Variants in GRIK4 observed in about 807,000 individuals in gnomAD.
GRIK4 encodes glutamate ionotropic receptor kainate type subunit 4, also known as glutamate receptor ionotropic, kainate 4.
A neutral mutation model predicts 104.9 loss-of-function variants in GRIK4; 40 were observed. That is an observed-to-expected ratio of 0.38 (90% CI 0.30 to 0.50). The LOEUF (loss-of-function observed/expected upper bound fraction) is 0.50, where lower values mean the gene tolerates loss of function less well. Among genes scored for constraint, GRIK4 ranks in the 20% least tolerant of loss-of-function variants. The pLI is 0.93. For synonymous variants in GRIK4, 485 were observed against 524.9 expected, an observed-to-expected ratio of 0.92 and a Z score of 1.04; for missense variants, 1,047 against 1,308.1, an observed-to-expected ratio of 0.80 and a Z score of 3.08.
intron 1 of GRIK4, among the ~76,000 whole-genome samples, chr11:120,587,984 C>T (rs574716330): frequency 6.6e-5 from 10 of 152,304 alleles, no homozygotes; most frequent in African/African-American, 2.4e-4. Flanking sequence ...GTATGAAAAC[C>T]GCTGTCAGTC....
chr11:120,668,138 G>A (rs542324611), intron 3 of GRIK4, among the ~76,000 whole-genome samples: 1 of 150,114 alleles, frequency 6.7e-6, no homozygotes, highest in Non-Finnish European at 1.5e-5. Context: ...TAGATAGATA[G>A]ATAGATAGAT....
intron 18 of GRIK4, among the ~76,000 whole-genome samples, chr11:120,963,954 T>C (rs1944336718): frequency 6.6e-6 from 1 of 151,312 alleles, no homozygotes; most frequent in Admixed American, 6.6e-5. Context: ...ATTTCTTCCA[T>C]GGTTTCCTAT....
At chr11:120,864,326 C>T (rs1197438270) in intron 9 of GRIK4, among the ~76,000 whole-genome samples, 3 of 151,662 alleles carry the variant, frequency 2.0e-5, no homozygotes, top group Admixed American at 2.0e-4. Flanking sequence ...CTGCAAGCTC[C>T]ACCTCCCGGG....
At chr11:120,899,762 C>G (rs1942682033) in intron 12 of GRIK4, among the ~76,000 whole-genome samples, 1 of 152,170 alleles carries the variant, frequency 6.6e-6, no homozygotes, top group East Asian at 1.9e-4. Flanking sequence ...TTTAACTAAT[C>G]TAAAGCACTT....
chr11:120,790,186 A>G (rs1952367330), intron 3 of GRIK4, among the ~76,000 whole-genome samples: 1 of 152,156 alleles, frequency 6.6e-6, no homozygotes, highest in South Asian at 2.1e-4. Context: ...GACACTTTGA[A>G]AGCAGAGATA....
intron 8 of GRIK4, among the ~76,000 whole-genome samples, chr11:120,856,925 C>T (rs1954119384): frequency 6.6e-6 from 1 of 152,142 alleles, no homozygotes; most frequent in Non-Finnish European, 1.5e-5. Flanking sequence ...TGAACATGTC[C>T]CCGGGGCCCT....
At chr11:120,780,126 A>G (rs1952124211) in intron 3 of GRIK4, among the ~76,000 whole-genome samples, 1 of 152,270 alleles carries the variant, frequency 6.6e-6, no homozygotes, top group South Asian at 2.1e-4. Context: ...TGTGCTTTGT[A>G]AACTCTTTGG....
At chr11:120,593,095 A>G (rs568403676) in intron 1 of GRIK4, among the ~76,000 whole-genome samples, 1 of 151,288 alleles carries the variant, frequency 6.6e-6, no homozygotes, top group South Asian at 2.1e-4. Flanking sequence ...AGGTGGGAGA[A>G]TCGCTTGAAC....
chr11:120,583,431 A>G (rs1276014925), intron 1 of GRIK4, among the ~76,000 whole-genome samples: 2 of 152,162 alleles, frequency 1.3e-5, no homozygotes, highest in Non-Finnish European at 2.9e-5. Context: ...GCCAATGCCT[A>G]TGTCCAGAAT....
At chr11:120,813,062 G>T (rs902137315) in intron 4 of GRIK4, among the ~76,000 whole-genome samples, 5 of 152,236 alleles carry the variant, frequency 3.3e-5, no homozygotes, top group Non-Finnish European at 5.9e-5. Context: ...AGGTCATGGT[G>T]ACCTTGGAGA....
At chr11:120,651,905 T>A (rs1949624511) in intron 1 of GRIK4, among the ~76,000 whole-genome samples, 1 of 152,210 alleles carries the variant, frequency 6.6e-6, no homozygotes, top group African/African-American at 2.4e-5. Context: ...ATGATCATCA[T>A]AATCACATTC....
In GRIK4 at chr11:120,593,331, C is replaced by T. The variant is rs139974211; in HGVS notation, c.-158-60354C>T. Among the ~76,000 whole-genome samples the T allele has an allele frequency of 1.1e-4, 16 of 152,230 alleles. 1 individual carries two copies. The East Asian group carries it at 1.9e-3, about 18-fold the overall frequency. ...CACTCTCCTGCCCACTTCAATCTGG[C>T]GGCTGCCCCACCAATCCACTCAACA... On this transcript the variant is annotated intron_variant, in intron 1 of 20. Coordinates refer to ENST00000527524, the MANE Select transcript of GRIK4 (RefSeq NM_014619.5).
At chr11:120,628,050 T>G (rs975551550) in intron 1 of GRIK4, among the ~76,000 whole-genome samples, 3 of 152,168 alleles carry the variant, frequency 2.0e-5, no homozygotes, top group African/African-American at 7.2e-5. Flanking sequence ...CACAAAGGGC[T>G]GTATGAGTGT....
intron 16 of GRIK4, among the ~76,000 whole-genome samples, chr11:120,959,283 A>T (rs962034274): frequency 1.3e-5 from 2 of 152,182 alleles, no homozygotes; most frequent in African/African-American, 4.8e-5. Flanking sequence ...CAGCTCGCTC[A>T]TGGTGGTCTG....
chr11:120,603,945 C>T (rs1476822867), intron 1 of GRIK4, among the ~76,000 whole-genome samples: 11 of 151,562 alleles, frequency 7.3e-5, no homozygotes, highest in African/African-American at 2.7e-4. Context: ...CCGAGGAAGG[C>T]GGATCACGAG....
chr11:120,925,072 G>C (rs1235088789), intron 13 of GRIK4, among the ~76,000 whole-genome samples: 1 of 152,210 alleles, frequency 6.6e-6, no homozygotes, highest in Non-Finnish European at 1.5e-5. Context: ...CAGAGCTGGG[G>C]CCTCCATTCT....
At position 120,905,153 on chromosome 11, in the gene GRIK4, G is replaced by A; in HGVS notation, c.1273-137G>A. 1 of 715,482 alleles carries A rather than the reference G, an allele frequency of 1.4e-6. No individual in the cohort carries two copies. Among genetic ancestry groups the A allele is most frequent in the Non-Finnish European group, 2.5e-6 (1 of 393,724 alleles). 44.3% of individuals were successfully genotyped at this position (715,482 alleles called of 1,614,324 possible). A position where few individuals can be genotyped will look rare whatever the true frequency, so the allele number is the denominator to read the frequency against. ...GAGAGGAGCTGGTCATCACCCCAAA[G>A]TAGCCCATTACCCACGTCAGTTTCC... On this transcript the variant is annotated intron_variant, in intron 12 of 20. Coordinates refer to ENST00000527524, the MANE Select transcript of GRIK4 (RefSeq NM_014619.5). The surrounding 1 kb of genome is among the most constrained non-coding windows in gnomAD (Gnocchi z 5.1).
chr11:120,521,197 C>CA (rs1947793567), intron 1 of GRIK4, among the ~76,000 whole-genome samples: 1 of 152,062 alleles, frequency 6.6e-6, no homozygotes, highest in Non-Finnish European at 1.5e-5. Flanking sequence ...CTGATCCTCC[C>CA]AATAGCTTGG....
At chr11:120,717,121 A>G (rs1272836225) in intron 3 of GRIK4, among the ~76,000 whole-genome samples, 1 of 152,158 alleles carries the variant, frequency 6.6e-6, no homozygotes, top group Non-Finnish European at 1.5e-5. Flanking sequence ...CTGCCGACGG[A>G]ATGCCTGTAA....
Sources: gnomAD v4.1 joint callset for allele counts (sites outside exome capture counted in the v4.1 genomes callset) on GRCh38, gnomAD v4.1.1 for gene constraint, Gnocchi (gnomAD v3.1) non-coding constraint, MANE v1.5 for transcripts, NCBI Gene and HGNC (gene_info 2026-07-23, HGNC 2026-07-21) for gene names.